NEDD4: variants seen among roughly 807,000 people sequenced by gnomAD.
NEDD4 encodes E3 ubiquitin-protein ligase NEDD4.
NEDD4 carries 99 observed loss-of-function variants against 144.9 expected under a neutral mutation model. That is an observed-to-expected ratio of 0.68 (90% CI 0.58 to 0.81). NEDD4 has a LOEUF of 0.81. Ranked by LOEUF, NEDD4 falls within the 30% of genes least tolerant of loss-of-function variation. NEDD4 has a pLI of 0.00. For missense variants in NEDD4, 985 were observed against 1,065.9 expected, an observed-to-expected ratio of 0.92 and a Z score of 1.06; for synonymous variants, 318 against 350.6, an observed-to-expected ratio of 0.91 and a Z score of 1.04.
intron 4 of NEDD4, among the ~76,000 whole-genome samples, chr15:55,926,088 A>G (rs1360794472): frequency 6.6e-6 from 1 of 152,126 alleles, no homozygotes; most frequent in East Asian, 1.9e-4. Context: ...ATACATATAC[A>G]TACTGTACAT....
chr15:55,947,008 G>C (rs367855430), intron 4 of NEDD4, among the ~76,000 whole-genome samples: 5 of 152,188 alleles, frequency 3.3e-5, no homozygotes, highest in African/African-American at 9.7e-5. Flanking sequence ...ATTTAAAGCA[G>C]TGTGTAGAGG....
At chr15:55,910,921 C>T (rs2142191808) in intron 5 of NEDD4, among the ~76,000 whole-genome samples, 1 of 132,698 alleles carries the variant, frequency 7.5e-6, no homozygotes, top group South Asian at 2.3e-4. Flanking sequence ...CAAATAAAGA[C>T]CTCCATTGCC....
At chr15:55,962,235 C>T (rs1252250181) in intron 2 of NEDD4, among the ~76,000 whole-genome samples, 1 of 152,128 alleles carries the variant, frequency 6.6e-6, no homozygotes, top group African/African-American at 2.4e-5. Context: ...TATCTTTTTG[C>T]GTCCGCTTTC....
chr15:55,878,008 A>T (rs2035052425), intron 5 of NEDD4, among the ~76,000 whole-genome samples: 1 of 152,138 alleles, frequency 6.6e-6, no homozygotes, highest in Admixed American at 6.5e-5. Context: ...CCTGCTCTAC[A>T]ATCAATCAGC....
intron 4 of NEDD4, among the ~76,000 whole-genome samples, chr15:55,930,318 A>T (rs1032661428): frequency 6.6e-6 from 1 of 152,196 alleles, no homozygotes; most frequent in Admixed American, 6.5e-5. Context: ...CTCGTCCTAG[A>T]CAATCACTGT....
intron 1 of NEDD4, among the ~76,000 whole-genome samples, chr15:55,992,855 CT>C (rs199703832): frequency 2.0e-5 from 3 of 152,256 alleles, no homozygotes; most frequent in East Asian, 3.9e-4. Context: ...AGTATTTATA[CT>C]TTTTTGGCTT....
intron 14 of NEDD4, 106 bp from the exon 15 acceptor site, chr15:55,848,992 T>TGAC: frequency 1.2e-6 from 1 of 855,786 alleles, no homozygotes. Context: ...AAATATTCTC[T>TGAC]TGTAAAAGTC....
intron 9 of NEDD4, among the ~76,000 whole-genome samples, chr15:55,861,509 A>G (rs1401703558): frequency 3.9e-5 from 6 of 152,172 alleles, no homozygotes; most frequent in Admixed American, 2.0e-4. Flanking sequence ...TAATAATTTA[A>G]TTGTACATTT....
At chr15:55,837,946 C>T in intron 23 of NEDD4, 97 bp from the exon 24 acceptor site, 1 of 1,067,972 alleles carries the variant, frequency 9.4e-7, no homozygotes, top group South Asian at 1.5e-5. Context: ...CTAGCTGAGA[C>T]CAAGGTAAAA....
intron 4 of NEDD4, among the ~76,000 whole-genome samples, chr15:55,947,001 T>C (rs374906059): frequency 5.9e-5 from 9 of 152,064 alleles, no homozygotes; most frequent in African/African-American, 1.9e-4. Flanking sequence ...GGGACACATT[T>C]AAAGCAGTGT....
intron 4 of NEDD4, among the ~76,000 whole-genome samples, chr15:55,930,310 C>T (rs531056377): frequency 5.3e-5 from 8 of 152,270 alleles, no homozygotes; most frequent in East Asian, 3.9e-4. Context: ...CACTGACCCT[C>T]GTCCTAGACA....
intron 2 of NEDD4, among the ~76,000 whole-genome samples, chr15:55,958,753 C>T (rs1160780297): frequency 6.6e-6 from 1 of 151,988 alleles, no homozygotes; most frequent in African/African-American, 2.4e-5. Context: ...AAATCTGTGT[C>T]TTTCAAGAAT....
intron 6 of NEDD4, among the ~76,000 whole-genome samples, chr15:55,872,866 G>GT (rs1367053623): frequency 2.0e-5 from 3 of 150,184 alleles, no homozygotes; most frequent in Admixed American, 2.0e-4. Context: ...AGCCTGGAAA[G>GT]TAAGACTGGA....
chr15:55,946,129 T>G (rs11071234), intron 4 of NEDD4, among the ~76,000 whole-genome samples: 50,458 of 151,990 alleles, frequency 0.33, 8,556 homozygotes, highest in South Asian at 0.38. Flanking sequence ...ACATCATAAT[T>G]ACAGGATCAA....
chr15:55,980,279 T>C (rs1367995770), intron 1 of NEDD4, among the ~76,000 whole-genome samples: 1 of 152,180 alleles, frequency 6.6e-6, no homozygotes, highest in Non-Finnish European at 1.5e-5. Context: ...AACAGAATAC[T>C]TGGCGCACAG....
intron 1 of NEDD4, among the ~76,000 whole-genome samples, chr15:55,968,490 A>G (rs1412832635): frequency 7.3e-3 from 1,111 of 152,316 alleles, no homozygotes; most frequent in African/African-American, 0.026. Context: ...ACATATCTAA[A>G]ATATCTACAG....
chr15:55,852,396 G>C (rs557482206), intron 13 of NEDD4, 28 bp downstream of exon 13: 1 of 1,594,974 alleles, frequency 6.3e-7, no homozygotes, highest in South Asian at 1.1e-5. Context: ...AATCCTGTAA[G>C]AAAGCAAGTT....
In NEDD4 at chr15:55,985,600, G is replaced by A. The variant is rs1039059223; in HGVS notation, c.45+7911C>T. 3.9e-5 allele frequency among the ~76,000 whole-genome samples: 6 copies of A among 152,160 alleles called. No homozygotes were observed. In the East Asian group the frequency reaches 9.6e-4, roughly 24 times the overall value. On this transcript the variant is annotated intron_variant, in intron 1 of 28. Transcript: ENST00000435532. ...ATAATAAAAGTCAAATTTTTTCACT[G>A]TTAGAAAAGGTACTTATGGCTATAA...
At position 55,848,823 on chromosome 15, in the gene NEDD4, C is replaced by T; in HGVS notation, c.1411G>A (p.Asp471Asn). Residue 471 changes from aspartate (D) to asparagine (N), a missense_variant, in exon 15 of 29, where the codon GAT becomes AAT. Asp to Asn is a conservative substitution (Grantham distance 23). Coordinates refer to ENST00000435532, the MANE Select transcript of NEDD4 (RefSeq NM_006154.4). The part of the protein sequence containing the change: ...RGKTSLDTSN[D>N]LGPLPPGWEE... ...ACACTTACAGGTAAAGGCCCTAGAT[C>T]ATTGGAAGTATCAAGTGATGTCTTT... The T allele has an allele frequency of 6.2e-7, 1 of 1,613,598 alleles. No homozygotes were observed. Among genetic ancestry groups the T allele is most frequent in the Non-Finnish European group, 8.5e-7 (1 of 1,179,666 alleles).
Sources: gnomAD v4.1 joint callset for allele counts (sites outside exome capture counted in the v4.1 genomes callset) on GRCh38, gnomAD v4.1.1 for gene constraint, MANE v1.5 for transcripts, NCBI Gene and HGNC (gene_info 2026-07-23, HGNC 2026-07-21) for gene names.